Variants in LARP7 observed in about 807,000 individuals in gnomAD.
LARP7 encodes the protein La ribonucleoprotein 7, transcriptional regulator.
In LARP7, 52 loss-of-function variants were observed where a neutral mutation model predicts 69.3. The ratio of observed to expected loss-of-function variants is 0.75; its 90% CI spans 0.60 to 0.95. The LOEUF is 0.95. Among genes scored for constraint, LARP7 ranks in the 40% least tolerant of loss-of-function variants. The probability of loss-of-function intolerance (pLI) is 0.00; values close to 1 mark genes in which losing one functional copy is unlikely to be tolerated. For synonymous variants in LARP7, 254 were observed against 215.9 expected (o/e 1.18, Z -1.55); for missense variants, 733 against 673.0 (o/e 1.09, Z -0.99).
At chr4:112,649,014 G>A (rs528337435) in intron 8 of LARP7, among the ~76,000 whole-genome samples, 6 of 151,900 alleles carry the variant, frequency 3.9e-5, no homozygotes, top group South Asian at 2.1e-4. Flanking sequence ...CCACTGAGCC[G>A]AGAAAGGCAT....
chr4:112,643,862 A>C (rs1050593968), intron 1 of LARP7, among the ~76,000 whole-genome samples: 5 of 151,870 alleles, frequency 3.3e-5, no homozygotes, highest in Non-Finnish European at 7.4e-5. Flanking sequence ...AGAAAAGAGA[A>C]GAGAAGAAGA....
At chr4:112,644,943 T>C (rs1206036713) in intron 2 of LARP7, 72 bp downstream of exon 2, 2 of 466,998 alleles carry the variant, frequency 4.3e-6, no homozygotes, top group East Asian at 1.0e-4. Flanking sequence ...AAATAATATA[T>C]TCTTTTTTTT....
Position 112,644,722 on chromosome 4 carries a change from A to G in LARP7, c.53A>G (p.Glu18Gly), listed in dbSNP as rs2048096903. ...AAGGTAATGGAAGAAGAAAGCACTG[A>G]AAAGAAAAAAGAAGTTGAAAAAAAG... ...QEKVMEEEST[E>G]KKKEVEKKKR... The change falls in exon 2 of 13, where the codon GAA becomes GGA. Residue 18 changes from glutamate to glycine, a missense_variant. Coordinates refer to ENST00000344442, the MANE Select transcript of LARP7 (RefSeq NM_016648.4). 6.2e-7 allele frequency: 1 copy of G among 1,611,396 alleles called. No individual in the cohort carries two copies. Among genetic ancestry groups the G allele is most frequent in the African/African-American group, 1.3e-5 (1 of 74,976 alleles).
intron 1 of LARP7, among the ~76,000 whole-genome samples, chr4:112,643,858 G>C (rs994038691): frequency 9.2e-5 from 14 of 151,392 alleles, no homozygotes; most frequent in Non-Finnish European, 1.9e-4. Flanking sequence ...TCAAAGAAAA[G>C]AGAAGAGAAG....
intron 3 of LARP7, 25 bp from the exon 4 acceptor site, chr4:112,646,563 A>C: frequency 7.2e-7 from 1 of 1,384,820 alleles, no homozygotes; most frequent in Non-Finnish European, 9.8e-7. Flanking sequence ...TATTAGTTTT[A>C]TTAATGTAAT....
Position 112,647,724 on chromosome 4 carries a change from T to A in LARP7, c.1032T>A (p.Thr344=). The A allele has an allele frequency of 6.4e-7, 1 of 1,555,536 alleles. No individual in the cohort carries two copies. Among genetic ancestry groups the A allele is most frequent in the Non-Finnish European group, 8.7e-7 (1 of 1,152,484 alleles). ...TCTCTACTGAAGAGGAAAAGGATAC[T>A]GGAGATCTAAAAGATAGCTCTCTCT... ...IEISTEEEKD[T]GDLKDSSLLK... is the part of the protein sequence containing the mutation. The change falls in exon 8 of 13, where the codon ACT becomes ACA. Residue 344 remains threonine (T), a synonymous_variant. Transcript: ENST00000344442.
rs2149278556 is a variant in LARP7, at chr4:112,650,467, A to G, written c.1301A>G (p.Asn434Ser). Residue 434 changes from asparagine (N) to serine (S), a missense_variant, in exon 10 of 13, where the codon AAC (asparagine) becomes AGC (serine). Transcript: ENST00000344442. ...TTTTTCCTTTTCTAATCAGCAGCCA[A>G]CAGGGAAGAGTGTCGCACCCAGGAG... ...NTGMKNEKTANREECRTQEKV... is the reference protein window; with the variant it reads ...NTGMKNEKTASREECRTQEKV... 2.5e-6 allele frequency: 4 copies of G among 1,613,752 alleles called. No individual in the cohort carries two copies. Among genetic ancestry groups the G allele is most frequent in the Admixed American group, 1.7e-5 (1 of 59,986 alleles).
intron 12 of LARP7, 83 bp downstream of exon 12, chr4:112,654,242 G>A (rs1174248487): frequency 6.1e-6 from 6 of 979,704 alleles, no homozygotes; most frequent in East Asian, 4.9e-5. Context: ...GTCATAAAAT[G>A]ATCGTAGTTT....
At chr4:112,651,665 T>G (rs2048746277) in intron 10 of LARP7, among the ~76,000 whole-genome samples, 1 of 152,186 alleles carries the variant, frequency 6.6e-6, no homozygotes, top group Non-Finnish European at 1.5e-5. Context: ...TAGTAGTTAC[T>G]TACATTTTGC....
In LARP7 at chr4:112,646,356, GAT is replaced by G; in HGVS notation, c.213_214del (p.Ser72ThrfsTer6). Reference sequence around the variant, plus strand: ...AACTTTTTCATTTTCTTTAGATGTTGATATATCACTACTTGTGTCTTTTAACA... The same window carrying G: ...AACTTTTTCATTTTCTTTAGATGTTGATATCACTACTTGTGTCTTTTAACA... ...QIEKSRDGYVDISLLVSFNKM... is the reference protein window; with the variant it reads ...QIEKSRDGYVXISLLVSFNKM... On this transcript the variant is annotated frameshift_variant, in exon 3 of 13. Transcript: ENST00000344442. LOFTEE classifies it high-confidence loss of function. 7.0e-7 allele frequency: 1 copy of G among 1,424,746 alleles called. No individual in the cohort carries two copies. 88.3% of individuals were successfully genotyped at this position (1,424,746 alleles called of 1,614,324 possible). A position where few individuals can be genotyped will look rare whatever the true frequency, so the allele number is the denominator to read the frequency against.
chr4:112,645,683 TTTTTTTTCTGGCA>T (rs774271764), intron 2 of LARP7: 2 of 434,648 alleles, frequency 4.6e-6, no homozygotes, highest in South Asian at 3.2e-5. Context: ...CCAGGCCGGC[TTTTTTTTCTGGCA>T]TTTTTAAGAG....
Position 112,647,474 on chromosome 4 carries a change from C to A in LARP7, c.922C>A (p.Pro308Thr), listed in dbSNP as rs1390810521. ...SSSEDAESLA[P>T]RSKVKKIIQK... ...CTCTGAAGATGCAGAATCCCTAGCT[C>A]CCCGATCAAAAGTAAAGAAAATTAT... The change falls in exon 7 of 13, where the codon CCC (proline) becomes ACC (threonine). Residue 308 changes from proline (P) to threonine (T), a missense_variant. Coordinates refer to ENST00000344442, the MANE Select transcript of LARP7 (RefSeq NM_016648.4). The A allele has an allele frequency of 6.2e-7, 1 of 1,613,688 alleles. No homozygotes were observed. The highest frequency in any genetic ancestry group is 1.7e-5 in the Admixed American group (1 of 59,980).
chr4:112,651,225 A>G (rs1025543091), intron 10 of LARP7, among the ~76,000 whole-genome samples: 1 of 152,210 alleles, frequency 6.6e-6, no homozygotes. Context: ...ATTTTCTTAT[A>G]CTGACATTCA....
At position 112,644,826 on chromosome 4, in the gene LARP7, A is replaced by G; in HGVS notation, c.157A>G (p.Lys53Glu). 1.2e-6 allele frequency: 2 copies of G among 1,607,356 alleles called. No individual in the cohort carries two copies. The highest frequency in any genetic ancestry group is 1.7e-6 in the Non-Finnish European group (2 of 1,175,716). Residue 53 changes from lysine to glutamate, a missense_variant, in exon 2 of 13, where the codon AAG becomes GAG. Lys to Glu is a moderately conservative substitution (Grantham distance 56). Coordinates refer to ENST00000344442, the MANE Select transcript of LARP7 (RefSeq NM_016648.4). Reference protein sequence around the residue: ...DFWFGDANLHKDRFLREQIEK... With the variant: ...DFWFGDANLHEDRFLREQIEK... Reference sequence around the variant, plus strand: ...CTGGTTTGGGGATGCAAATCTTCACAAGGATAGATTTCTTCGAGAACAGAT... The same window carrying G: ...CTGGTTTGGGGATGCAAATCTTCACGAGGATAGATTTCTTCGAGAACAGAT...
intron 1 of LARP7, among the ~76,000 whole-genome samples, chr4:112,641,549 A>G (rs1476554148): frequency 6.6e-6 from 1 of 152,212 alleles, no homozygotes; most frequent in African/African-American, 2.4e-5. Flanking sequence ...TGTTCAGACA[A>G]CGCAGTAGTA....
chr4:112,643,686 A>G (rs757417667), intron 1 of LARP7, among the ~76,000 whole-genome samples: 9 of 151,920 alleles, frequency 5.9e-5, no homozygotes, highest in Non-Finnish European at 1.3e-4. Context: ...TGTCTCTACT[A>G]AAAATACAAA....
intron 8 of LARP7, chr4:112,648,086 A>G (rs762025461): frequency 1.7e-6 from 1 of 598,364 alleles, no homozygotes; most frequent in Admixed American, 1.9e-5. Context: ...CCCTTAACAG[A>G]TGTAAAAATA....
chr4:112,652,347 A>T (rs1035320300), intron 10 of LARP7, among the ~76,000 whole-genome samples: 8 of 135,310 alleles, frequency 5.9e-5, no homozygotes, highest in Non-Finnish European at 1.2e-4. Flanking sequence ...TTATGAATGG[A>T]AGTTGATGAA....
chr4:112,642,912 C>G (rs568263852), intron 1 of LARP7, among the ~76,000 whole-genome samples: 29 of 152,326 alleles, frequency 1.9e-4, no homozygotes, highest in South Asian at 4.1e-4. Flanking sequence ...ATACAACACC[C>G]CCATTAGTCT....
Sources: allele counts gnomAD v4.1 joint callset (sites outside exome capture counted in the v4.1 genomes callset), GRCh38; gene constraint gnomAD v4.1.1; transcripts MANE v1.5; gene names NCBI Gene and HGNC (gene_info 2026-07-23, HGNC 2026-07-21).